The following RABGAP1L variants were observed in gnomAD, a reference collection of about 807,000 sequenced individuals.
The protein encoded by RABGAP1L is rab GTPase-activating protein 1-like.
Under a neutral mutation model 137.7 loss-of-function variants are expected in RABGAP1L, and 63 were observed. The ratio of observed to expected loss-of-function variants is 0.46; its 90% confidence interval spans 0.37 to 0.56. The LOEUF (loss-of-function observed/expected upper bound fraction) is 0.56, where lower values mean the gene tolerates loss of function less well. Among genes scored for constraint, RABGAP1L ranks in the 20% least tolerant of loss-of-function variants. The pLI, the probability that RABGAP1L is intolerant of heterozygous loss-of-function variation, is 0.00. For missense variants in RABGAP1L, 1,095 were observed against 1,244.0 expected (o/e 0.88, Z 1.80); for synonymous variants, 431 against 433.7 (o/e 0.99, Z 0.08).
chr1:174,730,948 T>C (rs901795374), intron 17 of RABGAP1L, among the ~76,000 whole-genome samples: 35 of 152,174 alleles, frequency 2.3e-4, no homozygotes, highest in Non-Finnish European at 1.0e-4. Flanking sequence ...CTACCTCCCC[T>C]GAAGTGATGG....
chr1:174,205,113 G>A (rs1276730897), intron 1 of RABGAP1L, among the ~76,000 whole-genome samples: 1 of 152,140 alleles, frequency 6.6e-6, no homozygotes, highest in African/African-American at 2.4e-5. Context: ...TTATTGATTT[G>A]TGTATGTTTA....
At chr1:174,868,333 G>A (rs1651640104) in intron 19 of RABGAP1L, among the ~76,000 whole-genome samples, 1 of 152,146 alleles carries the variant, frequency 6.6e-6, no homozygotes, top group African/African-American at 2.4e-5. Context: ...ACAAAGTATT[G>A]TGTAAGAACT....
chr1:174,648,743 C>G (rs1349221373), intron 14 of RABGAP1L, among the ~76,000 whole-genome samples: 1 of 152,028 alleles, frequency 6.6e-6, no homozygotes, highest in Non-Finnish European at 1.5e-5. Context: ...GAGTTCAAGT[C>G]CTGAATATCC....
At chr1:174,550,360 G>A (rs1376189409) in intron 13 of RABGAP1L, among the ~76,000 whole-genome samples, 1 of 152,176 alleles carries the variant, frequency 6.6e-6, no homozygotes, top group African/African-American at 2.4e-5. Flanking sequence ...TACACATGAT[G>A]TGAAAATCAG....
chr1:174,970,051 C>T (rs1470121727), intron 21 of RABGAP1L, among the ~76,000 whole-genome samples: 1 of 152,190 alleles, frequency 6.6e-6, no homozygotes, highest in East Asian at 1.9e-4. Flanking sequence ...AAAACAAAAA[C>T]TGTGTTGTTT....
At chr1:174,283,632 G>A (rs921499304) in intron 10 of RABGAP1L, among the ~76,000 whole-genome samples, 2 of 151,766 alleles carry the variant, frequency 1.3e-5, no homozygotes, top group African/African-American at 4.8e-5. Flanking sequence ...TCAGCCTCCC[G>A]AGTAGCTGGG....
intron 11 of RABGAP1L, among the ~76,000 whole-genome samples, chr1:174,323,358 T>C (rs1317874721): frequency 1.3e-5 from 2 of 152,108 alleles, no homozygotes; most frequent in African/African-American, 4.8e-5. Flanking sequence ...AAATCTCACC[T>C]GAAAGCCCAT....
chr1:174,720,444 G>C (rs1407883533), intron 17 of RABGAP1L, among the ~76,000 whole-genome samples: 1 of 152,000 alleles, frequency 6.6e-6, no homozygotes, highest in East Asian at 1.9e-4. Flanking sequence ...TTCCTGAGTG[G>C]CTGGGACTAC....
At chr1:174,678,281 A>G (rs1224202245) in intron 14 of RABGAP1L, among the ~76,000 whole-genome samples, 2 of 152,212 alleles carry the variant, frequency 1.3e-5, no homozygotes, top group Non-Finnish European at 2.9e-5. Flanking sequence ...CTCTAGGCCC[A>G]GATGGTTAAA....
At chr1:174,564,512 T>G (rs1667438592) in intron 13 of RABGAP1L, among the ~76,000 whole-genome samples, 1 of 152,152 alleles carries the variant, frequency 6.6e-6, no homozygotes, top group African/African-American at 2.4e-5. Context: ...ACAAGTAACT[T>G]TTTCAGCTCA....
intron 14 of RABGAP1L, among the ~76,000 whole-genome samples, chr1:174,660,063 A>G (rs897032234): frequency 1.3e-5 from 2 of 152,210 alleles, no homozygotes; most frequent in Admixed American, 6.5e-5. Flanking sequence ...CATACAGAAG[A>G]GACAGAACAA....
rs994405536 is a variant in RABGAP1L at position 174,377,463 on chromosome 1, A to G, written c.1559+6391A>G. Among the ~76,000 whole-genome samples the G allele has an allele frequency of 2.7e-4, 41 of 152,240 alleles. 1 individual carries two copies. Among genetic ancestry groups the G allele is most frequent in the Non-Finnish European group, 7.3e-5 (5 of 68,036 alleles). On this transcript the variant is annotated intron_variant, in intron 12 of 25. Transcript: ENST00000681986. Reference sequence around the variant, plus strand: ...TGATTTCTAGGTTTACTGTAGCACTACAGTAGTCAAAAGAGTATTGATACA... The same window carrying G: ...TGATTTCTAGGTTTACTGTAGCACTGCAGTAGTCAAAAGAGTATTGATACA...
chr1:174,284,162 C>T (rs1475293775), intron 10 of RABGAP1L, among the ~76,000 whole-genome samples: 1 of 152,130 alleles, frequency 6.6e-6, no homozygotes, highest in Non-Finnish European at 1.5e-5. Context: ...ATTTCAAGTA[C>T]ACAATACAAT....
intron 10 of RABGAP1L, among the ~76,000 whole-genome samples, chr1:174,286,355 A>G (rs1676045627): frequency 6.6e-6 from 1 of 152,236 alleles, no homozygotes; most frequent in South Asian, 2.1e-4. Flanking sequence ...GTTGCCATAT[A>G]GTTGTTCATA....
At chr1:174,800,050 C>T (rs1688609784) in intron 18 of RABGAP1L, 4 of 1,231,586 alleles carry the variant, frequency 3.2e-6, no homozygotes, top group Non-Finnish European at 4.1e-6. Flanking sequence ...CTGAACTCTC[C>T]TGCATCACTC....
At chr1:174,487,065 TC>T (rs1284460955) in intron 13 of RABGAP1L, among the ~76,000 whole-genome samples, 1 of 152,170 alleles carries the variant, frequency 6.6e-6, no homozygotes, top group Non-Finnish European at 1.5e-5. Flanking sequence ...TTGAAATTGA[TC>T]CATGTGCTGA....
intron 19 of RABGAP1L, among the ~76,000 whole-genome samples, chr1:174,911,223 C>T (rs1010011434): frequency 3.9e-5 from 6 of 152,028 alleles, no homozygotes; most frequent in South Asian, 2.1e-4. Flanking sequence ...TATTTTCTTC[C>T]GTTTTGCAGG....
intron 10 of RABGAP1L, among the ~76,000 whole-genome samples, chr1:174,284,781 T>G (rs1180211190): frequency 6.9e-6 from 1 of 145,742 alleles, no homozygotes. Context: ...CTCATTATGT[T>G]GCCCAGGCTG....
chr1:174,962,038 G>T (rs1024814337), intron 20 of RABGAP1L, among the ~76,000 whole-genome samples: 1 of 151,820 alleles, frequency 6.6e-6, no homozygotes, highest in Non-Finnish European at 1.5e-5. Context: ...AGCCAGGCGT[G>T]GTGGTGGGCA....
Sources: gnomAD v4.1 joint callset for allele counts (sites outside exome capture counted in the v4.1 genomes callset) on GRCh38, gnomAD v4.1.1 for gene constraint, MANE v1.5 for transcripts, NCBI Gene and HGNC (gene_info 2026-07-23, HGNC 2026-07-21) for gene names.